Variants in SCYL1 observed in about 807,000 individuals in gnomAD.
SCYL1 encodes the protein N-terminal kinase-like protein.
A neutral mutation model predicts 94.8 loss-of-function variants in SCYL1; 85 were observed. That is an observed-to-expected ratio of 0.90 (90% confidence interval 0.75 to 1.07). The LOEUF is 1.07. Among genes scored for constraint, SCYL1 ranks in the 50% least tolerant of loss-of-function variants. The pLI is 0.00. For missense variants in SCYL1, 968 were observed against 1,083.3 expected, an observed-to-expected ratio of 0.89 and a Z score of 1.49; for synonymous variants, 459 against 435.5, an observed-to-expected ratio of 1.05 and a Z score of -0.67.
chr11:65,531,586 TC>T lies in SCYL1; in HGVS notation c.1021del (p.Leu341Ter). On this transcript the variant is annotated frameshift_variant, in exon 8 of 18. Coordinates refer to ENST00000270176, the MANE Select transcript of SCYL1 (RefSeq NM_020680.4). LOFTEE classifies it high-confidence loss of function. ...VLTPLFKVGKFLSAEEYQQKI... is the reference protein window; with the variant it reads ...VLTPLFKVGKXLSAEEYQQKI... The stretch of plus-strand genomic sequence containing the variant: ...TTCCTGCCCTTTCAGGTGGGCAAGT[TC>T]CTGAGCGCTGAGGAGTATCAGCAGA... 6.2e-7 allele frequency: 1 copy of T among 1,613,806 alleles called. No individual in the cohort carries two copies. Among genetic ancestry groups the T allele is most frequent in the Non-Finnish European group, 8.5e-7 (1 of 1,179,774 alleles).
rs1304358485 is a variant in SCYL1 at position 65,525,932 on chromosome 11, C to A, written c.264C>A (p.Cys88Ter). The A allele has an allele frequency of 6.2e-7, 1 of 1,613,356 alleles. No homozygotes were observed. Among genetic ancestry groups the A allele is most frequent in the South Asian group, 1.1e-5 (1 of 91,026 alleles). ...AYIDGLETEK[C>*]LHVVTEAVTP... The stretch of plus-strand genomic sequence containing the variant: ...GTCCCCTTCCCCAGACAGAAAAATG[C>A]CTCCACGTCGTGACAGAGGCTGTGA... Residue 88 changes from cysteine (C) to a stop codon, truncating the protein, a stop_gained, in exon 3 of 18, where the codon TGC becomes TGA. Transcript: ENST00000270176. LOFTEE classifies it high-confidence loss of function.
At position 65,525,901 on chromosome 11, in the gene SCYL1, C is replaced by T; in HGVS notation, c.253-20C>T. 6.2e-7 allele frequency: 1 copy of T among 1,610,496 alleles called. No individual in the cohort carries two copies. The highest frequency in any genetic ancestry group is 8.5e-7 in the Non-Finnish European group (1 of 1,178,364). On this transcript the variant is annotated intron_variant, in intron 2 of 17. Transcript: ENST00000270176. Reference sequence around the variant, plus strand: ...CTCTCTGCCCCTCCGCCCTTGATAACCCTGTGTCCCCTTCCCCAGACAGAA... The same window carrying T: ...CTCTCTGCCCCTCCGCCCTTGATAATCCTGTGTCCCCTTCCCCAGACAGAA...
intron 10 of SCYL1, 81 bp downstream of exon 10, chr11:65,535,463 G>A: frequency 6.5e-7 from 1 of 1,539,206 alleles, no homozygotes; most frequent in Non-Finnish European, 8.9e-7. Flanking sequence ...TCTTGTGTGT[G>A]GGGGCCTTCA....
Position 65,526,410 on chromosome 11 carries a change from A to G in SCYL1, c.602+60A>G. On this transcript the variant is annotated intron_variant, in intron 4 of 17. Coordinates refer to ENST00000270176, the MANE Select transcript of SCYL1 (RefSeq NM_020680.4). The surrounding 1 kb of genome is among the most constrained non-coding windows in gnomAD (Gnocchi z 4.1). ...CTGTCCTGGAGGCCCCTGCAGCCTC[A>G]GGACTCCTAGACTAGTTGGCACTCC... 1 of 1,376,200 alleles carries G rather than the reference A, an allele frequency of 7.3e-7. No individual in the cohort carries two copies. The highest frequency in any genetic ancestry group is 2.4e-5 in the East Asian group (1 of 42,060). The allele number at this position is 1,376,200 out of a possible 1,614,324, so 85.2% of individuals were successfully genotyped here.
chr11:65,535,672 A>G (rs1245715716), intron 10 of SCYL1: 14 of 582,316 alleles, frequency 2.4e-5, no homozygotes, highest in African/African-American at 3.7e-5. Context: ...GTTAACAGGA[A>G]TGAACGGTCA....
In SCYL1 at chr11:65,538,094, G is replaced by A. The variant is rs1248843992; in HGVS notation, c.2159G>A (p.Arg720Gln). The part of the protein sequence containing the change: ...SSQEPPPDGT[R>Q]LASEYNWGGP... ...CAGGAGCCACCTCCTGACGGTACAC[G>A]GCTGGCCAGCGAGTATAACTGGGGT... The change falls in exon 16 of 18, where the codon CGG becomes CAG. Residue 720 changes from arginine to glutamine, a missense_variant. By Grantham distance (43) the Arg-to-Gln change is conservative. Around this residue, in one of 2 missense-constraint regions of SCYL1, gnomAD observed 474 missense variants for 463.6 expected, o/e 1.02. Transcript: ENST00000270176. The A allele has an allele frequency of 1.5e-5, 24 of 1,605,492 alleles. No individual in the cohort carries two copies. Among genetic ancestry groups the A allele is most frequent in the Non-Finnish European group, 1.8e-5 (21 of 1,176,762 alleles).
At position 65,526,017 on chromosome 11, in the gene SCYL1, A is replaced by G; in HGVS notation, c.349A>G (p.Ile117Val). 6.2e-7 allele frequency: 1 copy of G among 1,612,998 alleles called. No individual in the cohort carries two copies. Among genetic ancestry groups the G allele is most frequent in the Admixed American group, 1.7e-5 (1 of 60,004 alleles). ...VEAGGLKELEISWGLHQIVKA... is the reference protein window; with the variant it reads ...VEAGGLKELEVSWGLHQIVKA... ...GGCTGGTGGCCTGAAGGAGCTGGAG[A>G]TCTCCTGGGGGCTACACCAGATCGT... Residue 117 changes from isoleucine to valine, a missense_variant, in exon 3 of 18, where the codon ATC becomes GTC. Around this residue, in one of 2 missense-constraint regions of SCYL1, gnomAD observed 494 missense variants for 619.7 expected, o/e 0.80. Transcript: ENST00000270176. The surrounding 1 kb of genome is among the most constrained non-coding windows in gnomAD (Gnocchi z 4.1).
intron 9 of SCYL1, 138 bp downstream of exon 9, chr11:65,532,943 T>C: frequency 1.5e-6 from 1 of 651,026 alleles, no homozygotes; most frequent in Non-Finnish European, 2.8e-6. Context: ...AGGCCGTGGG[T>C]GCAGCTCGGC....
In SCYL1 at chr11:65,526,327, T is replaced by C; in HGVS notation, c.579T>C (p.Ser193=). 6.2e-7 allele frequency: 1 copy of C among 1,605,898 alleles called. No homozygotes were observed. The highest frequency in any genetic ancestry group is 1.1e-5 in the South Asian group (1 of 90,662). The change falls in exon 4 of 18, where the codon AGT becomes AGC. Residue 193 remains serine, a synonymous_variant. Coordinates refer to ENST00000270176, the MANE Select transcript of SCYL1 (RefSeq NM_020680.4). This position sits in a 1 kb window ranked among gnomAD's most constrained non-coding sequence, Gnocchi z 4.1. ...ACCCCCCGGAGTTGGCTGACAGCAGTGGCAGAGTGGTCAGAGAGAAGTGGT... is the reference window on the plus strand; with the variant it reads ...ACCCCCCGGAGTTGGCTGACAGCAGCGGCAGAGTGGTCAGAGAGAAGTGGT... ...QYDPPELADS[S]GRVVREKWSA...
chr11:65,536,184 G>A (rs373034887), intron 11 of SCYL1, 43 bp downstream of exon 11: 1 of 1,605,752 alleles, frequency 6.2e-7, no homozygotes, highest in African/African-American at 1.3e-5. Context: ...GGGCTGTAGG[G>A]GATGTCAGCC....
intron 8 of SCYL1, 76 bp from the exon 9 acceptor site, chr11:65,532,616 C>A: frequency 8.2e-7 from 1 of 1,217,822 alleles, no homozygotes; most frequent in Non-Finnish European, 1.2e-6. Flanking sequence ...AAAAGCTAAG[C>A]CAGGAGCGGT....
intron 8 of SCYL1, among the ~76,000 whole-genome samples, 200 bp downstream of exon 8, chr11:65,531,883 G>T (rs897783043): frequency 1.3e-5 from 2 of 152,206 alleles, no homozygotes; most frequent in African/African-American, 2.4e-5. Flanking sequence ...TGGCCAGCTT[G>T]CCCAGGCTGC....
At chr11:65,532,623 C>T (rs774894485) in intron 8 of SCYL1, 69 bp from the exon 9 acceptor site, 25 of 1,252,678 alleles carry the variant, frequency 2.0e-5, no homozygotes, top group Non-Finnish European at 2.9e-5. Context: ...AAGCCAGGAG[C>T]GGTTCCATGG....
At position 65,538,357 on chromosome 11, in the gene SCYL1, G is replaced by A. The variant is rs1215251149; in HGVS notation, c.2302+33G>A. On this transcript the variant is annotated intron_variant, in intron 17 of 17. Transcript: ENST00000270176. ...CTTCCCCTGGGTGGGCTGAAGACTA[G>A]GGCTCCCCGACTAGCCCGCCCCTAC... The A allele has an allele frequency of 2.3e-5, 36 of 1,540,958 alleles. No homozygotes were observed. The East Asian group carries it at 5.2e-4, about 22-fold the overall frequency.
At chr11:65,527,174 C>T (rs1450749127) in intron 6 of SCYL1, 57 bp downstream of exon 6, 2 of 1,580,132 alleles carry the variant, frequency 1.3e-6, no homozygotes, top group African/African-American at 2.7e-5. Context: ...TGCCCCTACC[C>T]TGCTTTTCAG....
At chr11:65,536,403 C>T in intron 12 of SCYL1, 69 bp downstream of exon 12, 1 of 1,535,116 alleles carries the variant, frequency 6.5e-7, no homozygotes, top group Admixed American at 1.7e-5. Flanking sequence ...TTGTGTCCCA[C>T]CCCCACTGGA....
At chr11:65,531,463 C>T (rs533351591) in intron 7 of SCYL1, 113 bp from the exon 8 acceptor site, 33 of 749,300 alleles carry the variant, frequency 4.4e-5, no homozygotes, top group South Asian at 6.3e-5. Flanking sequence ...CCTGCCCCCC[C>T]CTCCGCCATC....
chr11:65,527,153 C>G, intron 6 of SCYL1, 36 bp downstream of exon 6: 1 of 1,600,526 alleles, frequency 6.2e-7, no homozygotes, highest in Non-Finnish European at 8.6e-7. Flanking sequence ...TCGACCCTAT[C>G]TTTTTCATTC....
At chr11:65,529,779 T>C (rs1487306657) in intron 6 of SCYL1, among the ~76,000 whole-genome samples, 1 of 152,184 alleles carries the variant, frequency 6.6e-6, no homozygotes, top group Non-Finnish European at 1.5e-5. Flanking sequence ...TGACAGCATC[T>C]TTTGAAGGGT....
Sources: gnomAD v4.1 joint callset for allele counts (sites outside exome capture counted in the v4.1 genomes callset) on GRCh38, gnomAD v4.1.1 for gene constraint, gnomAD v4.1.1 regional missense constraint, Gnocchi (gnomAD v3.1) non-coding constraint, MANE v1.5 for transcripts, NCBI Gene and HGNC (gene_info 2026-07-23, HGNC 2026-07-21) for gene names.